Variants in PTPRT observed in about 807,000 individuals in gnomAD.
PTPRT encodes receptor-type tyrosine-protein phosphatase T.
A neutral mutation model predicts 176.8 loss-of-function variants in PTPRT; 56 were observed. The ratio of observed to expected loss-of-function variants is 0.32; its 90% confidence interval spans 0.26 to 0.40. PTPRT has a LOEUF of 0.40. PTPRT is among the 10% of genes least tolerant of loss of function. PTPRT has a pLI of 1.00. For missense variants in PTPRT, 1,540 were observed against 1,908.2 expected (o/e 0.81, Z 3.60); for synonymous variants, 783 against 739.0 (o/e 1.06, Z -0.96).
chr20:42,236,940 GA>G (rs1473528659), intron 14 of PTPRT, among the ~76,000 whole-genome samples: 2 of 151,606 alleles, frequency 1.3e-5, no homozygotes, highest in South Asian at 2.1e-4. Flanking sequence ...CCAAGCTGGG[GA>G]AAAAAAAGAA....
At chr20:42,291,406 C>G (rs1199747891) in intron 12 of PTPRT, among the ~76,000 whole-genome samples, 1 of 152,126 alleles carries the variant, frequency 6.6e-6, no homozygotes, top group Non-Finnish European at 1.5e-5. Flanking sequence ...GCAATAAACA[C>G]TGGGAGATAT....
At chr20:42,051,108 C>T in the PTPRT span, among the ~76,000 whole-genome samples, 74 of 152,286 alleles carry the variant, frequency 4.9e-4, no homozygotes, top group African/African-American at 1.7e-3. Flanking sequence ...TTCAGCAGCA[C>T]CATGGAGACC....
intron 7 of PTPRT, 100 bp downstream of exon 7, chr20:42,677,766 G>T: frequency 7.3e-7 from 1 of 1,367,520 alleles, no homozygotes; most frequent in Non-Finnish European, 1.0e-6. Context: ...CACATTCAAA[G>T]AAAATTCGGA....
At chr20:42,347,409 C>G (rs1267773401) in intron 11 of PTPRT, among the ~76,000 whole-genome samples, 1 of 152,134 alleles carries the variant, frequency 6.6e-6, no homozygotes, top group Non-Finnish European at 1.5e-5. Context: ...GCTCATCTGT[C>G]CAGCCAGTCT....
intron 25 of PTPRT, among the ~76,000 whole-genome samples, chr20:42,103,447 G>A (rs1436650186): frequency 6.6e-6 from 1 of 152,158 alleles, no homozygotes; most frequent in Non-Finnish European, 1.5e-5. Context: ...CAGACTGCAG[G>A]TTTTAAAATT....
At chr20:43,064,179 T>C (rs765685859) in intron 1 of PTPRT, among the ~76,000 whole-genome samples, 1 of 152,176 alleles carries the variant, frequency 6.6e-6, no homozygotes, top group Non-Finnish European at 1.5e-5. Flanking sequence ...TTCTAGCAGA[T>C]GAAAGGTAGA....
chr20:42,554,449 G>T (rs1187610019), intron 7 of PTPRT, among the ~76,000 whole-genome samples: 1 of 152,136 alleles, frequency 6.6e-6, no homozygotes, highest in Non-Finnish European at 1.5e-5. Context: ...TCCCCAAAGG[G>T]CTTGCAGACT....
At chr20:42,405,032 C>T (rs1328157397) in intron 9 of PTPRT, among the ~76,000 whole-genome samples, 2 of 114,732 alleles carry the variant, frequency 1.7e-5, no homozygotes, top group Non-Finnish European at 1.9e-5. Context: ...CACCATTATG[C>T]ACTAAAAGAA....
intron 9 of PTPRT, among the ~76,000 whole-genome samples, chr20:42,356,652 C>G (rs752224392): frequency 6.6e-6 from 1 of 152,120 alleles, no homozygotes; most frequent in African/African-American, 2.4e-5. Context: ...GCAGAGATGG[C>G]GCTACTGCAC....
At chr20:42,142,136 G>A in intron 17 of PTPRT, 134 bp from the exon 18 acceptor site, 1 of 717,984 alleles carries the variant, frequency 1.4e-6, no homozygotes. Context: ...CCTTGGATGG[G>A]GCCTGGGGAG....
At chr20:42,466,860 C>T (rs1323457478) in intron 8 of PTPRT, among the ~76,000 whole-genome samples, 2 of 152,068 alleles carry the variant, frequency 1.3e-5, no homozygotes, top group Admixed American at 6.6e-5. Context: ...AGGTCTGGGG[C>T]AGGGACATTA....
chr20:42,428,264 C>T (rs1051948631), intron 9 of PTPRT, among the ~76,000 whole-genome samples: 1 of 152,218 alleles, frequency 6.6e-6, no homozygotes, highest in Non-Finnish European at 1.5e-5. Context: ...CACTTACAGT[C>T]ACTGGGTTCA....
At chr20:43,055,169 T>C (rs536782441) in intron 1 of PTPRT, among the ~76,000 whole-genome samples, 8 of 152,314 alleles carry the variant, frequency 5.3e-5, no homozygotes, top group African/African-American at 1.9e-4. Flanking sequence ...GTAATCTTAA[T>C]GAGCATCCAA....
chr20:43,015,712 C>A (rs1189636619), intron 1 of PTPRT, among the ~76,000 whole-genome samples: 1 of 152,070 alleles, frequency 6.6e-6, no homozygotes, highest in African/African-American at 2.4e-5. Context: ...ATGCTCTGCC[C>A]CTTACAAATG....
chr20:42,621,743 T>C (rs775464815), intron 7 of PTPRT, among the ~76,000 whole-genome samples: 3 of 152,246 alleles, frequency 2.0e-5, no homozygotes, highest in Non-Finnish European at 4.4e-5. Flanking sequence ...ATTAAACTAC[T>C]ACCTAGATCC....
intron 6 of PTPRT, among the ~76,000 whole-genome samples, chr20:42,718,764 T>A (rs2076263793): frequency 6.6e-6 from 1 of 152,222 alleles, no homozygotes; most frequent in African/African-American, 2.4e-5. Context: ...TTATATTCTG[T>A]ATCTCGATCA....
intron 1 of PTPRT, among the ~76,000 whole-genome samples, chr20:43,046,706 G>C (rs1048761827): frequency 6.6e-6 from 1 of 152,166 alleles, no homozygotes; most frequent in Non-Finnish European, 1.5e-5. Flanking sequence ...CCCAACACCA[G>C]CATCCTGCAC....
intron 16 of PTPRT, among the ~76,000 whole-genome samples, chr20:42,187,825 T>A (rs1990842851): frequency 6.6e-6 from 1 of 152,232 alleles, no homozygotes; most frequent in African/African-American, 2.4e-5. Context: ...GTTTTGATGT[T>A]ATACCCTGAG....
At chr20:43,036,644 A>G (rs1256575575) in intron 1 of PTPRT, among the ~76,000 whole-genome samples, 5 of 152,210 alleles carry the variant, frequency 3.3e-5, no homozygotes, top group Admixed American at 3.3e-4. Flanking sequence ...GTTAGCTATG[A>G]AAGGTTAGAT....
Sources: allele counts gnomAD v4.1 joint callset (sites outside exome capture counted in the v4.1 genomes callset), GRCh38; gene constraint gnomAD v4.1.1; transcripts MANE v1.5; gene names NCBI Gene and HGNC (gene_info 2026-07-23, HGNC 2026-07-21).